Variants in MRPL58 observed in about 807,000 individuals in gnomAD.
The protein encoded by MRPL58 is mitochondrial ribosomal protein L58, also known as large ribosomal subunit protein mL62.
MRPL58 carries 17 observed loss-of-function variants against 26.0 expected under a neutral mutation model. That is an observed-to-expected ratio of 0.65 (90% CI 0.45 to 0.98). The LOEUF (loss-of-function observed/expected upper bound fraction) is 0.98. MRPL58 is among the 50% of genes least tolerant of loss of function. The pLI is 0.00. For missense variants in MRPL58, 250 were observed against 269.0 expected (o/e 0.93, Z 0.49); for synonymous variants, 100 against 99.7 (o/e 1.00, Z -0.02).
At chr17:75,019,796 T>C (rs1567981091) in intron 3 of MRPL58, 37 bp downstream of exon 3, 2 of 1,552,542 alleles carry the variant, frequency 1.3e-6, no homozygotes, top group Non-Finnish European at 1.8e-6. Flanking sequence ...TGCTTTAAAA[T>C]GTAGCTGGGA....
intron 1 of MRPL58, among the ~76,000 whole-genome samples, chr17:75,016,697 C>T (rs1334305850): frequency 6.6e-6 from 1 of 152,276 alleles, no homozygotes; most frequent in Non-Finnish European, 1.5e-5. Context: ...CCTGTGGCCC[C>T]GGAAAGAACA....
Position 75,020,482 on chromosome 17 carries a change from C to G in MRPL58, c.367-6C>G. On this transcript the variant is annotated splice_region_variant and splice_polypyrimidine_tract_variant and intron_variant, in intron 4 of 5. Transcript: ENST00000301585. The stretch of plus-strand genomic sequence containing the variant: ...AGGACTCCAGTTTTTCATTTGTTCT[C>G]TGCAGCATAAAAACAAGATCAACAG... The G allele has an allele frequency of 6.2e-7, 1 of 1,613,998 alleles. No individual in the cohort carries two copies. Among genetic ancestry groups the G allele is most frequent in the Non-Finnish European group, 8.5e-7 (1 of 1,179,888 alleles).
chr17:75,012,939 G>A (rs1567978737), intron 1 of MRPL58, 67 bp downstream of exon 1: 1 of 1,415,752 alleles, frequency 7.1e-7, no homozygotes, highest in Middle Eastern at 1.8e-4. Flanking sequence ...AGGAACCCCA[G>A]GCCCATTGGC....
chr17:75,015,455 A>G (rs2039966207), intron 1 of MRPL58, among the ~76,000 whole-genome samples: 1 of 152,184 alleles, frequency 6.6e-6, no homozygotes, highest in African/African-American at 2.4e-5. Context: ...CTGCACTCCA[A>G]CCTGGGCGAC....
intron 2 of MRPL58, among the ~76,000 whole-genome samples, chr17:75,019,091 C>T (rs1257625778): frequency 6.6e-6 from 1 of 151,218 alleles, no homozygotes; most frequent in Non-Finnish European, 1.5e-5. Flanking sequence ...CATTGTGCCA[C>T]TGGACTCCAG....
At position 75,020,566 on chromosome 17, in the gene MRPL58, G is replaced by A. The variant is rs2040009015; in HGVS notation, c.445G>A (p.Asp149Asn). Residue 149 changes from aspartate (D) to asparagine (N), a missense_variant, in exon 5 of 6, where the codon GAT becomes AAT. Transcript: ENST00000301585. ...SSRYQFRNLA[D>N]CLQKIRDMIT... ...CCGCTATCAGTTCCGGAATCTGGCA[G>A]ATTGCCTGCAGAAAATTCGAGACAT... is the stretch of plus-strand genomic sequence containing the variant. The A allele has an allele frequency of 6.2e-7, 1 of 1,614,066 alleles. No individual in the cohort carries two copies. Among genetic ancestry groups the A allele is most frequent in the African/African-American group, 1.3e-5 (1 of 74,932 alleles).
intron 2 of MRPL58, among the ~76,000 whole-genome samples, chr17:75,018,221 T>G (rs1266497164): frequency 6.8e-6 from 1 of 147,744 alleles, no homozygotes; most frequent in Admixed American, 7.0e-5. Context: ...CATATCTATA[T>G]CTCTGAAATA....
chr17:75,012,715 G>A lies in MRPL58; in HGVS notation c.29G>A (p.Gly10Asp). Residue 10 changes from glycine to aspartate, a missense_variant, in exon 1 of 6, where the codon GGC becomes GAC. By Grantham distance (94) the Gly-to-Asp change is moderately conservative. Coordinates refer to ENST00000301585, the MANE Select transcript of MRPL58 (RefSeq NM_001545.3). ...GCGGCCACCAGGTGCCTGCGCTGGG[G>A]CCTGAGCCGAGCCGGAGTCTGGCTG... is the stretch of plus-strand genomic sequence containing the variant. MAATRCLRWGLSRAGVWLLP... is the reference protein window; with the variant it reads MAATRCLRWDLSRAGVWLLP... The A allele has an allele frequency of 1.9e-6, 3 of 1,571,516 alleles. No homozygotes were observed. The highest frequency in any genetic ancestry group is 2.4e-5 in the East Asian group (1 of 42,082).
In MRPL58 at chr17:75,018,212, A is replaced by G. The variant is rs149587270; in HGVS notation, c.223+1098A>G. The stretch of plus-strand genomic sequence containing the variant: ...TTATAAGCTACCATTTGTTTTTTAC[A>G]TATCTATATCTCTGAAATATCTTTT... On this transcript the variant is annotated intron_variant, in intron 2 of 5. Transcript: ENST00000301585. 1.1e-4 allele frequency among the ~76,000 whole-genome samples: 16 copies of G among 151,148 alleles called. No individual in the cohort carries two copies. The East Asian group carries it at 1.2e-3, about 11-fold the overall frequency.
intron 3 of MRPL58, 58 bp from the exon 4 acceptor site, chr17:75,020,255 G>T (rs2040005372): frequency 4.5e-6 from 6 of 1,332,058 alleles, no homozygotes; most frequent in Middle Eastern, 4.9e-4. Flanking sequence ...GTCACCCAGG[G>T]GTTGATCCTT....
intron 1 of MRPL58, among the ~76,000 whole-genome samples, chr17:75,013,691 T>A (rs1000670033): frequency 2.0e-5 from 3 of 152,126 alleles, no homozygotes; most frequent in Non-Finnish European, 4.4e-5. Flanking sequence ...GGCATTTGAA[T>A]AACGACCTGG....
In MRPL58 at chr17:75,020,634, A is replaced by C. The variant is rs140917471; in HGVS notation, c.513A>C (p.Glu171Asp). The C allele has an allele frequency of 2.4e-3, 3,843 of 1,614,188 alleles. 12 individuals are homozygous for C. The highest frequency in any genetic ancestry group is 4.0e-3 in the Middle Eastern group (24 of 6,062). The part of the protein sequence containing the change: ...ASQTPKEPTK[E>D]DVKLHRIRIE... The stretch of plus-strand genomic sequence containing the variant: ...AGACACCGAAGGAGCCAACAAAAGA[A>C]GATGTTAAACTTCATAGAATCAGGT... Residue 171 changes from glutamate to aspartate, a missense_variant, in exon 5 of 6, where the codon GAA (glutamate) becomes GAC (aspartate). Coordinates refer to ENST00000301585, the MANE Select transcript of MRPL58 (RefSeq NM_001545.3).
chr17:75,020,750 C>A, intron 5 of MRPL58, 93 bp downstream of exon 5: 1 of 1,400,434 alleles, frequency 7.1e-7, no homozygotes, highest in South Asian at 1.2e-5. Context: ...CCAAGGCCGG[C>A]CTTGGGAGAA....
chr17:75,014,310 T>C (rs1282805726), intron 1 of MRPL58, among the ~76,000 whole-genome samples: 6 of 146,570 alleles, frequency 4.1e-5, no homozygotes, highest in Non-Finnish European at 9.0e-5. Context: ...CTCAGTCTCC[T>C]GAGTAGCTGG....
intron 2 of MRPL58, 115 bp downstream of exon 2, chr17:75,017,229 T>C (rs1334952699): frequency 2.6e-6 from 2 of 780,740 alleles, no homozygotes; most frequent in Non-Finnish European, 4.5e-6. Context: ...AGGTGGAGGT[T>C]GCAGTGGGCC....
intron 1 of MRPL58, among the ~76,000 whole-genome samples, chr17:75,013,695 G>T (rs1240641437): frequency 2.0e-5 from 3 of 152,168 alleles, no homozygotes; most frequent in African/African-American, 7.2e-5. Flanking sequence ...TTTGAATAAC[G>T]ACCTGGAAGA....
In MRPL58 at chr17:75,017,116, T is replaced by C. The variant is rs1423719473; in HGVS notation, c.223+2T>C. On this transcript the variant is annotated splice_donor_variant, in intron 2 of 5. Transcript: ENST00000301585. LOFTEE classifies it high-confidence loss of function. Reference sequence around the variant, plus strand: ...AAGCCGACAGTGACATCCCTCTAGGTAAGTAATTTTGTTTTCTTAAAAATC... The same window carrying C: ...AAGCCGACAGTGACATCCCTCTAGGCAAGTAATTTTGTTTTCTTAAAAATC... The C allele has an allele frequency of 3.1e-6, 5 of 1,610,820 alleles. No individual in the cohort carries two copies. In the East Asian group the frequency reaches 1.1e-4, roughly 36 times the overall value.
chr17:75,020,402 AC>A lies in MRPL58; in HGVS notation c.366+9del. ...GCAGAAGATAGCCATCACGGTAACC[AC>A]CATCCCTTTCTTTCCCTAGAAATCC... On this transcript the variant is annotated splice_region_variant and intron_variant, in intron 4 of 5. Transcript: ENST00000301585. 1 of 1,614,082 alleles carries A rather than the reference AC, an allele frequency of 6.2e-7. No homozygotes were observed. Among genetic ancestry groups the A allele is most frequent in the Non-Finnish European group, 8.5e-7 (1 of 1,179,946 alleles).
At chr17:75,017,542 A>T (rs1194582942) in intron 2 of MRPL58, among the ~76,000 whole-genome samples, 4 of 152,206 alleles carry the variant, frequency 2.6e-5, no homozygotes, top group African/African-American at 9.7e-5. Flanking sequence ...CGAGGTCAGG[A>T]GTTCAAGACT....
Sources: allele counts gnomAD v4.1 joint callset (sites outside exome capture counted in the v4.1 genomes callset), GRCh38; gene constraint gnomAD v4.1.1; transcripts MANE v1.5; gene names NCBI Gene and HGNC (gene_info 2026-07-23, HGNC 2026-07-21).